The following CHLSN variants were observed in gnomAD, a reference collection of about 807,000 sequenced individuals.
The protein encoded by CHLSN is protein cholesin.
chr7:1,031,094 C>T, the CHLSN span, among the ~76,000 whole-genome samples: 3 of 152,164 alleles, frequency 2.0e-5, no homozygotes, highest in Non-Finnish European at 2.9e-5. Context: ...CCCAGCAGGT[C>T]GGCAGGTCCT....
chr7:1,133,278 G>A, the CHLSN span, among the ~76,000 whole-genome samples: 1 of 151,884 alleles, frequency 6.6e-6, no homozygotes, highest in Non-Finnish European at 1.5e-5. Context: ...TTAGGGATAG[G>A]GCAAGTGGAG....
the CHLSN span, chr7:1,082,213 A>G: frequency 0.7 from 106,209 of 152,260 alleles, 38,391 homozygotes; most frequent in African/African-American, 0.89. Flanking sequence ...TCTTCATTCC[A>G]TGGTACTCGG....
the CHLSN span, chr7:985,238 G>C: frequency 1.9e-6 from 3 of 1,552,854 alleles, no homozygotes; most frequent in Non-Finnish European, 2.6e-6. Flanking sequence ...TTCGGCCGCC[G>C]ATTTGACTAC....
chr7:1,016,775 G>GCACACAGCAGCGCACGCCAGCGCACGC, the CHLSN span, among the ~76,000 whole-genome samples: 1 of 72,756 alleles, frequency 1.4e-5, no homozygotes, highest in African/African-American at 8.6e-5. Flanking sequence ...ACAGCGCACA[G>GCACACAGCAGCGCACGCCAGCGCACGC]CAGCGCACAG....
the CHLSN span, among the ~76,000 whole-genome samples, chr7:1,003,062 C>T: frequency 8.5e-4 from 6 of 7,026 alleles, no homozygotes; most frequent in African/African-American, 7.9e-4. Flanking sequence ...TGGAGTCCTG[C>T]GGGTGGGGAG....
chr7:1,098,599 TG>T, the CHLSN span, among the ~76,000 whole-genome samples: 2 of 150,588 alleles, frequency 1.3e-5, no homozygotes, highest in Non-Finnish European at 3.0e-5. Context: ...CCACGCTCAG[TG>T]AGATAAAGCA....
the CHLSN span, chr7:1,021,643 T>A: frequency 7.6e-6 from 7 of 926,616 alleles, no homozygotes; most frequent in Admixed American, 4.3e-4. Flanking sequence ...CTGGCTTTGC[T>A]GCCACCGCAG....
the CHLSN span, among the ~76,000 whole-genome samples, chr7:1,122,492 AAC>A: frequency 0.017 from 2,567 of 152,282 alleles, 92 homozygotes; most frequent in East Asian, 0.17. Flanking sequence ...TTCAGACAGA[AAC>A]AGAGAAGCTA....
chr7:978,054 G>A, the CHLSN span, among the ~76,000 whole-genome samples: 15 of 152,336 alleles, frequency 9.8e-5, no homozygotes, highest in Non-Finnish European at 1.8e-4. Flanking sequence ...CAGCCCCTCC[G>A]TTGGGGCTGC....
At chr7:1,115,509 G>T in the CHLSN span, among the ~76,000 whole-genome samples, 11 of 149,988 alleles carry the variant, frequency 7.3e-5, no homozygotes, top group Non-Finnish European at 1.5e-4. Context: ...TCTACGGACC[G>T]GCTTCCATCA....
the CHLSN span, among the ~76,000 whole-genome samples, chr7:1,017,424 A>G: frequency 6.6e-6 from 1 of 152,144 alleles, no homozygotes; most frequent in African/African-American, 2.4e-5. Context: ...CCCGTCCAGT[A>G]GCCATGCAGG....
chr7:984,365 GT>G, the CHLSN span: 1 of 1,536,920 alleles, frequency 6.5e-7, no homozygotes, highest in Non-Finnish European at 8.7e-7. Flanking sequence ...CCTAAGGGGG[GT>G]CTTGTGGGTG....
At chr7:1,126,785 C>T in the CHLSN span, among the ~76,000 whole-genome samples, 1 of 152,230 alleles carries the variant, frequency 6.6e-6, no homozygotes, top group African/African-American at 2.4e-5. Context: ...TAACCCGCTG[C>T]ACACCGTTTA....
At chr7:1,101,368 G>GCTGCTGGGAGTCCCCAGAGGGGCC in the CHLSN span, among the ~76,000 whole-genome samples, 736 of 152,350 alleles carry the variant, frequency 4.8e-3, 3 homozygotes, top group African/African-American at 0.017. Context: ...CCAGAAGTCA[G>GCTGCTGGGAGTCCCCAGAGGGGCC]CTGCTGGGAG....
chr7:1,065,750 A>G, the CHLSN span, among the ~76,000 whole-genome samples: 1 of 152,202 alleles, frequency 6.6e-6, no homozygotes, highest in Non-Finnish European at 1.5e-5. Context: ...CAGGGTGGAG[A>G]CAGGAGATCT....
chr7:1,085,772 G>T, the CHLSN span, among the ~76,000 whole-genome samples: 1 of 151,732 alleles, frequency 6.6e-6, no homozygotes, highest in Non-Finnish European at 1.5e-5. Context: ...GGTGGAGGCT[G>T]CAGTGAGCTG....
chr7:984,425 A>G, the CHLSN span: 26 of 1,548,174 alleles, frequency 1.7e-5, no homozygotes, highest in Admixed American at 4.7e-4. Context: ...TCAGAACGCT[A>G]CGGGCCGGTG....
chr7:988,631 G>A, the CHLSN span: 25 of 1,602,276 alleles, frequency 1.6e-5, no homozygotes, highest in East Asian at 6.7e-5. Flanking sequence ...GACATCCCCC[G>A]CAGGCCGCCG....
At chr7:1,042,189 C>A in the CHLSN span, among the ~76,000 whole-genome samples, 1 of 152,190 alleles carries the variant, frequency 6.6e-6, no homozygotes, top group Non-Finnish European at 1.5e-5. Context: ...AGGCACGGCC[C>A]CAGGCCAGGA....
Sources: gnomAD v4.1 joint callset for allele counts (sites outside exome capture counted in the v4.1 genomes callset) on GRCh38, gnomAD v4.1.1 for gene constraint, MANE v1.5 for transcripts, NCBI Gene and HGNC (gene_info 2026-07-23, HGNC 2026-07-21) for gene names.